Variants in MYO3B observed in about 807,000 individuals in gnomAD.
The protein encoded by MYO3B is myosin-IIIb.
MYO3B carries 156 observed loss-of-function variants against 174.6 expected under a neutral mutation model. The ratio of observed to expected loss-of-function variants is 0.89; its 90% CI spans 0.78 to 1.02. The LOEUF (loss-of-function observed/expected upper bound fraction) is 1.02. Among genes scored for constraint, MYO3B ranks in the 50% least tolerant of loss-of-function variants. The pLI, the probability that MYO3B is intolerant of heterozygous loss-of-function variation, is 0.00. For missense variants in MYO3B, 1,632 were observed against 1,639.4 expected (o/e 1.00, Z 0.08); for synonymous variants, 563 against 569.1 (o/e 0.99, Z 0.15).
chr2:170,602,793 G>T (rs935921167), intron 32 of MYO3B, among the ~76,000 whole-genome samples: 3 of 152,176 alleles, frequency 2.0e-5, no homozygotes, highest in Non-Finnish European at 4.4e-5. Flanking sequence ...TCTGCCAGGC[G>T]CAGTGACTCA....
At chr2:170,364,420 A>G (rs1574854570) in intron 8 of MYO3B, among the ~76,000 whole-genome samples, 1 of 152,192 alleles carries the variant, frequency 6.6e-6, no homozygotes. Flanking sequence ...TCTTTTTTTG[A>G]TGGAATGCTT....
intron 6 of MYO3B, among the ~76,000 whole-genome samples, chr2:170,223,467 A>G (rs1407133593): frequency 6.6e-6 from 1 of 152,232 alleles, no homozygotes; most frequent in African/African-American, 2.4e-5. Flanking sequence ...GATGTTGTAG[A>G]TAAAGAATCT....
At chr2:170,644,379 C>T (rs1460540949) in intron 32 of MYO3B, 1 of 152,034 alleles carries the variant, frequency 6.6e-6, no homozygotes, top group South Asian at 2.1e-4. Context: ...CTTCACCTCC[C>T]AGGTTCAAAT....
At chr2:170,193,071 G>T (rs1574553287) in intron 1 of MYO3B, among the ~76,000 whole-genome samples, 1 of 151,574 alleles carries the variant, frequency 6.6e-6, no homozygotes, top group East Asian at 1.9e-4. Context: ...ATTTCTTATT[G>T]TCACCTTGTT....
chr2:170,217,212 C>T, intron 5 of MYO3B, 107 bp from the exon 6 acceptor site: 1 of 916,528 alleles, frequency 1.1e-6, no homozygotes, highest in Non-Finnish European at 1.8e-6. Context: ...ACCATATGGC[C>T]CACAAAGCCT....
At position 170,543,925 on chromosome 2, in the gene MYO3B, C is replaced by T. The variant is rs778515727; in HGVS notation, c.3670C>T (p.Arg1224Trp). The T allele has an allele frequency of 2.5e-6, 4 of 1,613,048 alleles. No individual in the cohort carries two copies. The African/African-American group carries it at 4.0e-5, about 16-fold the overall frequency. ...TTCTGGGACTGATTTGCTGTCTTCT[C>T]GGATATGCCATCCTGCTCCAGATCA... ...SVSGTDLLSS[R>W]ICHPAPDQQG... is the part of the protein sequence containing the mutation. The change falls in exon 32 of 35, where the codon CGG (arginine) becomes TGG (tryptophan). Residue 1224 changes from arginine (R) to tryptophan (W), a missense_variant. Physicochemically the swap from Arg to Trp is moderately radical, Grantham distance 101 (BLOSUM62 -3). Transcript: ENST00000408978.
At chr2:170,437,867 C>G (rs1488838755) in intron 22 of MYO3B, among the ~76,000 whole-genome samples, 2 of 152,148 alleles carry the variant, frequency 1.3e-5, no homozygotes, top group East Asian at 3.9e-4. Flanking sequence ...TCCTTCAGCA[C>G]CTTTTTTCTT....
At chr2:170,589,395 G>A (rs1433804526) in intron 32 of MYO3B, among the ~76,000 whole-genome samples, 7 of 152,186 alleles carry the variant, frequency 4.6e-5, no homozygotes, top group African/African-American at 1.7e-4. Flanking sequence ...AGAAGGCATT[G>A]TTGTCATAGG....
chr2:170,278,148 A>G (rs548207632), intron 7 of MYO3B, among the ~76,000 whole-genome samples: 1 of 152,158 alleles, frequency 6.6e-6, no homozygotes, highest in African/African-American at 2.4e-5. Flanking sequence ...ATTTGGAGAC[A>G]ATCTGTAGCC....
chr2:170,496,142 C>A (rs1686844448), intron 25 of MYO3B, among the ~76,000 whole-genome samples: 1 of 152,184 alleles, frequency 6.6e-6, no homozygotes, highest in South Asian at 2.1e-4. Context: ...CCCTCCTCCC[C>A]AAAGGTGGAA....
At chr2:170,183,625 C>T (rs927457802) in intron 1 of MYO3B, among the ~76,000 whole-genome samples, 1 of 151,920 alleles carries the variant, frequency 6.6e-6, no homozygotes, top group Admixed American at 6.6e-5. Context: ...TAAATCATTC[C>T]ACTATTTATT....
chr2:170,652,880 C>G, intron 34 of MYO3B, 103 bp from the exon 35 acceptor site: 1 of 1,331,314 alleles, frequency 7.5e-7, no homozygotes, highest in Non-Finnish European at 1.1e-6. Context: ...AGTGTTGGAG[C>G]CCAACCCTGT....
chr2:170,485,305 C>T (rs893343048), intron 25 of MYO3B, among the ~76,000 whole-genome samples: 1 of 151,600 alleles, frequency 6.6e-6, no homozygotes, highest in Admixed American at 6.6e-5. Context: ...AATTTCTTTT[C>T]CATATCCCTA....
chr2:170,599,516 G>A (rs1282273101), intron 32 of MYO3B, among the ~76,000 whole-genome samples: 2 of 152,184 alleles, frequency 1.3e-5, no homozygotes, highest in African/African-American at 2.4e-5. Flanking sequence ...GGAGGCCAAG[G>A]CAGGCGGATC....
chr2:170,374,990 A>G (rs895145404), intron 9 of MYO3B, among the ~76,000 whole-genome samples: 3 of 152,200 alleles, frequency 2.0e-5, no homozygotes, highest in Non-Finnish European at 4.4e-5. Context: ...AGCAGTTATT[A>G]ATCCAAGTCT....
At chr2:170,200,431 C>T (rs915783414) in intron 3 of MYO3B, 147 bp downstream of exon 3, 7 of 811,826 alleles carry the variant, frequency 8.6e-6, no homozygotes, top group African/African-American at 3.5e-5. Context: ...ATGTGACATT[C>T]TCCTCCACAG....
intron 32 of MYO3B, among the ~76,000 whole-genome samples, chr2:170,633,591 A>G (rs1194901655): frequency 1.3e-5 from 2 of 152,200 alleles, no homozygotes; most frequent in African/African-American, 2.4e-5. Context: ...CACCACTCCT[A>G]TCCAACATAG....
chr2:170,434,577 G>A (rs1163166161), intron 22 of MYO3B, among the ~76,000 whole-genome samples: 1 of 152,178 alleles, frequency 6.6e-6, no homozygotes, highest in African/African-American at 2.4e-5. Context: ...GCTTTAGTGG[G>A]AGTCAGGGCA....
intron 32 of MYO3B, among the ~76,000 whole-genome samples, chr2:170,578,253 G>A (rs1368412161): frequency 6.6e-6 from 1 of 152,250 alleles, no homozygotes; most frequent in East Asian, 1.9e-4. Flanking sequence ...GGGTCGTGAT[G>A]TCTGGAGACC....
Sources: gnomAD v4.1 joint callset for allele counts (sites outside exome capture counted in the v4.1 genomes callset) on GRCh38, gnomAD v4.1.1 for gene constraint, MANE v1.5 for transcripts, NCBI Gene and HGNC (gene_info 2026-07-23, HGNC 2026-07-21) for gene names.